SEPTIN9: variants seen among roughly 807,000 people sequenced by gnomAD.
The protein encoded by SEPTIN9 is septin 9.
A neutral mutation model predicts 56.6 loss-of-function variants in SEPTIN9; 13 were observed. That is an observed-to-expected ratio of 0.23 (90% confidence interval 0.15 to 0.37). The LOEUF is 0.37. Ranked by LOEUF, SEPTIN9 falls within the 10% of genes least tolerant of loss-of-function variation. SEPTIN9 has a pLI of 1.00. For synonymous variants in SEPTIN9, 332 were observed against 334.1 expected, an observed-to-expected ratio of 0.99 and a Z score of 0.07; for missense variants, 650 against 823.1, an observed-to-expected ratio of 0.79 and a Z score of 2.57.
Position 77,326,305 on chromosome 17 carries a change from G to A in SEPTIN9, c.76+19108G>A, listed in dbSNP as rs2033138148. Among the ~76,000 whole-genome samples the A allele has an allele frequency of 6.6e-6, 1 of 152,240 alleles. No individual in the cohort carries two copies. The highest frequency in any genetic ancestry group is 2.4e-5 in the African/African-American group (1 of 41,468). On this transcript the variant is annotated intron_variant, in intron 2 of 11. Transcript: ENST00000427177. The surrounding 1 kb of genome is among the most constrained non-coding windows in gnomAD (Gnocchi z 5.1). ...CCAGACACAGTCCTTGCCCTCATGGGACTGCACAAGTGCAAGACCACATCA... is the reference window on the plus strand; with the variant it reads ...CCAGACACAGTCCTTGCCCTCATGGAACTGCACAAGTGCAAGACCACATCA...
intron 2 of SEPTIN9, among the ~76,000 whole-genome samples, chr17:77,383,091 C>T (rs1031362984): frequency 2.0e-5 from 3 of 152,088 alleles, no homozygotes; most frequent in African/African-American, 7.2e-5. Context: ...CAGGCTCCTG[C>T]ACACAGCTGC....
In SEPTIN9 at chr17:77,371,118, G is replaced by A. The variant is rs1470034192; in HGVS notation, c.77-30941G>A. 6.6e-6 allele frequency among the ~76,000 whole-genome samples: 1 copy of A among 152,204 alleles called. No homozygotes were observed. Among genetic ancestry groups the A allele is most frequent in the Admixed American group, 6.5e-5 (1 of 15,280 alleles). On this transcript the variant is annotated intron_variant, in intron 2 of 11. Transcript: ENST00000427177. The surrounding 1 kb of genome is among the most constrained non-coding windows in gnomAD (Gnocchi z 4.1). ...GGAGTATGGCCAAGCCCTGATTTGG[G>A]TTTCCTGAAAGAGCTCGGGGAACCT...
chr17:77,292,122 C>T (rs960428329), intron 1 of SEPTIN9, among the ~76,000 whole-genome samples: 5 of 152,224 alleles, frequency 3.3e-5, no homozygotes, highest in African/African-American at 4.8e-5. Flanking sequence ...TCTGTACCCC[C>T]GGAGATGTCT....
chr17:77,452,066 TACA>T (rs2037997211), intron 3 of SEPTIN9, among the ~76,000 whole-genome samples: 3 of 152,232 alleles, frequency 2.0e-5, no homozygotes, highest in Admixed American at 2.0e-4. Context: ...GAGCTGCTGC[TACA>T]GCGCAGCTCT....
intron 2 of SEPTIN9, among the ~76,000 whole-genome samples, chr17:77,358,588 G>C (rs553016977): frequency 7.2e-5 from 11 of 152,004 alleles, no homozygotes; most frequent in Non-Finnish European, 1.5e-4. Context: ...GCAGTGAGCC[G>C]AGATCGCACC....
intron 3 of SEPTIN9, among the ~76,000 whole-genome samples, chr17:77,415,647 A>AAAAAG (rs35855094): frequency 0.36 from 52,525 of 145,534 alleles, 10,144 homozygotes; most frequent in African/African-American, 0.4. Context: ...AAAAAAAAGA[A>AAAAAG]AAAAAAAGAA....
chr17:77,321,792 CA>C (rs1343415351), intron 2 of SEPTIN9, among the ~76,000 whole-genome samples: 1 of 152,350 alleles, frequency 6.6e-6, no homozygotes, highest in South Asian at 2.1e-4. Context: ...AGGAGGGGGC[CA>C]GGGGAGACGG....
In SEPTIN9 at chr17:77,436,843, G is replaced by A. The variant is rs970042119; in HGVS notation, c.721+34140G>A. Among the ~76,000 whole-genome samples the A allele has an allele frequency of 6.6e-6, 1 of 152,210 alleles. No homozygotes were observed. The highest frequency in any genetic ancestry group is 6.5e-5 in the Admixed American group (1 of 15,290). On this transcript the variant is annotated intron_variant, in intron 3 of 11. Coordinates refer to ENST00000427177, the MANE Select transcript of SEPTIN9 (RefSeq NM_001113491.2). This position sits in a 1 kb window ranked among gnomAD's most constrained non-coding sequence, Gnocchi z 4.4. ...GAGAGGGCCAGGGTGCCTGTATTTGGGGCACAGCATAAAGAACAGCCGTAA... is the reference window on the plus strand; with the variant it reads ...GAGAGGGCCAGGGTGCCTGTATTTGAGGCACAGCATAAAGAACAGCCGTAA...
At chr17:77,312,881 T>TC (rs2143621669) in intron 2 of SEPTIN9, among the ~76,000 whole-genome samples, 1 of 152,282 alleles carries the variant, frequency 6.6e-6, no homozygotes, top group East Asian at 1.9e-4. Flanking sequence ...AATGCGAAAC[T>TC]CTTTGCCTTG....
chr17:77,361,956 G>T (rs189132285), intron 2 of SEPTIN9, among the ~76,000 whole-genome samples: 1 of 152,310 alleles, frequency 6.6e-6, no homozygotes, highest in East Asian at 1.9e-4. Flanking sequence ...CTCAGCTGCC[G>T]GGTCTTGCAC....
chr17:77,384,744 A>G (rs563660183), intron 2 of SEPTIN9, among the ~76,000 whole-genome samples: 3 of 152,016 alleles, frequency 2.0e-5, no homozygotes, highest in Non-Finnish European at 4.4e-5. Context: ...AGAACTACAG[A>G]GGAATCGAGA....
chr17:77,457,390 G>A (rs543436640), intron 3 of SEPTIN9, among the ~76,000 whole-genome samples: 59 of 152,278 alleles, frequency 3.9e-4, no homozygotes, highest in Admixed American at 1.4e-3. Flanking sequence ...CTCCCCTAGA[G>A]GCGCCCCATG....
chr17:77,473,063 A>C (rs1333406148), intron 3 of SEPTIN9, among the ~76,000 whole-genome samples: 2 of 152,220 alleles, frequency 1.3e-5, no homozygotes, highest in Non-Finnish European at 2.9e-5. Flanking sequence ...AGAGCCCCCC[A>C]GGGATGACAT....
rs575045753 is a variant in SEPTIN9 at position 77,430,197 on chromosome 17, T to TC, written c.721+27500dup. 2.7e-3 allele frequency among the ~76,000 whole-genome samples: 412 copies of TC among 151,912 alleles called. 2 individuals carry two copies. The highest frequency in any genetic ancestry group is 9.3e-3 in the African/African-American group (386 of 41,420). On this transcript the variant is annotated intron_variant, in intron 3 of 11. Transcript: ENST00000427177. Reference sequence around the variant, plus strand: ...CTTGCCTTGCGGGTGCTGGCCACCCTCCCCCCGCCAGCTCCATCCCCAGCT... The same window carrying TC: ...CTTGCCTTGCGGGTGCTGGCCACCCTCCCCCCCGCCAGCTCCATCCCCAGCT...
At chr17:77,407,138 C>G (rs1173294638) in intron 3 of SEPTIN9, among the ~76,000 whole-genome samples, 1 of 151,874 alleles carries the variant, frequency 6.6e-6, no homozygotes, top group Non-Finnish European at 1.5e-5. Context: ...AAAAAATTAG[C>G]CAGGCATGAT....
At chr17:77,286,062 C>A (rs1224109263) in intron 1 of SEPTIN9, among the ~76,000 whole-genome samples, 1 of 152,266 alleles carries the variant, frequency 6.6e-6, no homozygotes, top group South Asian at 2.1e-4. Context: ...TCCTCACGTC[C>A]AAGCTTGTCT....
intron 3 of SEPTIN9, 96 bp from the exon 4 acceptor site, chr17:77,482,048 A>T: frequency 8.3e-7 from 1 of 1,205,308 alleles, no homozygotes. Context: ...TCAGTGCCTC[A>T]GTTTCCCCAT....
intron 2 of SEPTIN9, chr17:77,377,071 A>G (rs2034954253): frequency 6.6e-6 from 1 of 152,258 alleles, no homozygotes; most frequent in Non-Finnish European, 1.5e-5. Flanking sequence ...AACTTCCCGC[A>G]TCCCGCCTTT....
At chr17:77,384,195 C>T (rs543161568) in intron 2 of SEPTIN9, among the ~76,000 whole-genome samples, 5 of 152,274 alleles carry the variant, frequency 3.3e-5, no homozygotes, top group East Asian at 3.9e-4. Context: ...GCCTGTGTTC[C>T]GTGGCAGGGT....
Sources: allele counts gnomAD v4.1 joint callset (sites outside exome capture counted in the v4.1 genomes callset), GRCh38; gene constraint gnomAD v4.1.1; non-coding constraint Gnocchi (gnomAD v3.1); transcripts MANE v1.5; gene names NCBI Gene and HGNC (gene_info 2026-07-23, HGNC 2026-07-21).